GALNT17: variants seen among roughly 807,000 people sequenced by gnomAD.
GALNT17 encodes polypeptide N-acetylgalactosaminyltransferase 17.
Under a neutral mutation model 63.7 loss-of-function variants are expected in GALNT17, and 29 were observed. That is an observed-to-expected ratio of 0.46 (90% CI 0.34 to 0.62). The LOEUF (loss-of-function observed/expected upper bound fraction) is 0.62, where lower values mean the gene tolerates loss of function less well. Ranked by LOEUF, GALNT17 falls within the 20% of genes least tolerant of loss-of-function variation. The pLI, the probability that GALNT17 is intolerant of heterozygous loss-of-function variation, is 0.01. For missense variants in GALNT17, 603 were observed against 799.6 expected, an observed-to-expected ratio of 0.75 and a Z score of 2.97; for synonymous variants, 305 against 318.3, an observed-to-expected ratio of 0.96 and a Z score of 0.45.
chr7:71,388,298 C>T lies in GALNT17; in HGVS notation c.486C>T (p.Asn162=), dbSNP rs368749036. 32 of 1,614,000 alleles carry T rather than the reference C, an allele frequency of 2.0e-5. No homozygotes were observed. Among genetic ancestry groups the T allele is most frequent in the East Asian group, 4.5e-5 (2 of 44,850 alleles). ...PQISIIFIFV[N]EALSVILRSV... The stretch of plus-strand genomic sequence containing the variant: ...TATCCATCATATTCATCTTCGTGAA[C>T]GAGGCCCTGTCGGTGATCCTGCGGT... Residue 162 remains asparagine (N), a synonymous_variant, in exon 3 of 11, where the codon AAC becomes AAT. Coordinates refer to ENST00000333538, the MANE Select transcript of GALNT17 (RefSeq NM_022479.3).
intron 6 of GALNT17, among the ~76,000 whole-genome samples, chr7:71,628,282 G>A (rs553210796): frequency 1.3e-5 from 2 of 152,028 alleles, no homozygotes; most frequent in African/African-American, 2.4e-5. Flanking sequence ...AGATTCAACC[G>A]ACATAAATTT....
At chr7:71,580,046 AGAT>A (rs1268463678) in intron 6 of GALNT17, among the ~76,000 whole-genome samples, 1 of 151,580 alleles carries the variant, frequency 6.6e-6, no homozygotes, top group East Asian at 1.9e-4. Flanking sequence ...GGATAGATAG[AGAT>A]GATGGATAGA....
chr7:71,313,611 T>C (rs1350480094), intron 1 of GALNT17, among the ~76,000 whole-genome samples: 1 of 152,200 alleles, frequency 6.6e-6, no homozygotes. Context: ...CAGGTGAATA[T>C]CCTGTAAAGG....
rs139577336 is a variant in GALNT17 at position 71,457,281 on chromosome 7, T to G, written c.962+36176T>G. ...TGCACCTCTTTTGTCTTTTAAGCTA[T>G]CTTATTTAGGAATAAAATAGGAAGC... On this transcript the variant is annotated intron_variant, in intron 5 of 10. Coordinates refer to ENST00000333538, the MANE Select transcript of GALNT17 (RefSeq NM_022479.3). Among the ~76,000 whole-genome samples the G allele has an allele frequency of 3.9e-5, 6 of 152,346 alleles. No homozygotes were observed. The East Asian group carries it at 9.7e-4, about 25-fold the overall frequency.
chr7:71,553,886 C>T (rs577243001), intron 5 of GALNT17, among the ~76,000 whole-genome samples: 32 of 152,306 alleles, frequency 2.1e-4, no homozygotes, highest in African/African-American at 6.5e-4. Context: ...CTCCCTCTCC[C>T]AGCTTTCCTC....
Position 71,708,202 on chromosome 7 carries a change from A to G in GALNT17, c.1501-2559A>G, listed in dbSNP as rs763895764. ...TAGTCCAGTCTTATGCTGTTAATAA[A>G]AACATACCCAAGACTGGGTAATTTA... On this transcript the variant is annotated intron_variant, in intron 9 of 10. Coordinates refer to ENST00000333538, the MANE Select transcript of GALNT17 (RefSeq NM_022479.3). Among the ~76,000 whole-genome samples the G allele has an allele frequency of 1.5e-4, 23 of 152,300 alleles. No individual in the cohort carries two copies. The South Asian group carries it at 1.9e-3, about 12-fold the overall frequency.
At chr7:71,276,648 G>T (rs1045962427) in intron 1 of GALNT17, among the ~76,000 whole-genome samples, 3 of 152,132 alleles carry the variant, frequency 2.0e-5, no homozygotes, top group Admixed American at 2.0e-4. Context: ...TTCCATGATT[G>T]TGAGGCCTCC....
intron 2 of GALNT17, among the ~76,000 whole-genome samples, chr7:71,377,085 C>CAAAAAAAAAAAA (rs34111153): frequency 1.1e-4 from 2 of 18,546 alleles, no homozygotes; most frequent in Non-Finnish European, 1.9e-4. Flanking sequence ...TATTCCATCT[C>CAAAAAAAAAAAA]AAAAAAAAAA....
At chr7:71,183,571 T>C (rs975206381) in intron 1 of GALNT17, among the ~76,000 whole-genome samples, 1 of 152,118 alleles carries the variant, frequency 6.6e-6, no homozygotes, top group East Asian at 1.9e-4. Context: ...GAATTCCCCA[T>C]GGAGATCCCC....
chr7:71,517,407 T>C (rs550567447), intron 5 of GALNT17, among the ~76,000 whole-genome samples: 1 of 152,292 alleles, frequency 6.6e-6, no homozygotes, highest in South Asian at 2.1e-4. Flanking sequence ...AGCACTTCAA[T>C]ATAGGAATTT....
At chr7:71,206,285 C>G (rs1024576529) in intron 1 of GALNT17, among the ~76,000 whole-genome samples, 1 of 151,812 alleles carries the variant, frequency 6.6e-6, no homozygotes, top group Non-Finnish European at 1.5e-5. Flanking sequence ...GCACTTAACC[C>G]GGTCTAGATC....
intron 6 of GALNT17, among the ~76,000 whole-genome samples, chr7:71,644,575 GAAAGA>G (rs1790649587): frequency 8.0e-6 from 1 of 125,266 alleles, no homozygotes; most frequent in Admixed American, 7.9e-5. Flanking sequence ...AGAAGAGAAA[GAAAGA>G]AAAGAAAAAA....
In GALNT17 at chr7:71,147,756, C is replaced by T. The variant is rs561883375; in HGVS notation, c.238+14716C>T. Among the ~76,000 whole-genome samples the T allele has an allele frequency of 1.7e-4, 26 of 152,134 alleles. No homozygotes were observed. The East Asian group carries it at 2.7e-3, about 16-fold the overall frequency. On this transcript the variant is annotated intron_variant, in intron 1 of 10. Coordinates refer to ENST00000333538, the MANE Select transcript of GALNT17 (RefSeq NM_022479.3). ...CATCGATTCTCCTGCCTCAGCCTCC[C>T]GGGTAGCTGGGACTACAAGAGTGCA...
intron 5 of GALNT17, among the ~76,000 whole-genome samples, chr7:71,427,845 A>T (rs962584681): frequency 6.6e-6 from 1 of 152,158 alleles, no homozygotes; most frequent in African/African-American, 2.4e-5. Context: ...CGATTCTCAT[A>T]GGAGCACAAA....
chr7:71,202,082 C>G (rs1019494893), intron 1 of GALNT17, among the ~76,000 whole-genome samples: 2 of 152,072 alleles, frequency 1.3e-5, no homozygotes, highest in Non-Finnish European at 2.9e-5. Flanking sequence ...GAAGAAAATC[C>G]TCTTTTATTC....
At chr7:71,610,937 G>A (rs1024900591) in intron 6 of GALNT17, among the ~76,000 whole-genome samples, 3 of 144,250 alleles carry the variant, frequency 2.1e-5, no homozygotes, top group Admixed American at 7.3e-5. Flanking sequence ...AGTGAGCCGA[G>A]ATCACGCCAC....
intron 6 of GALNT17, among the ~76,000 whole-genome samples, chr7:71,663,993 G>A (rs927846664): frequency 6.6e-6 from 1 of 150,838 alleles, no homozygotes; most frequent in Non-Finnish European, 1.5e-5. Flanking sequence ...ACTGGTACTA[G>A]GAACCTCATT....
chr7:71,346,758 G>A (rs1170322360), intron 2 of GALNT17, among the ~76,000 whole-genome samples: 2 of 136,860 alleles, frequency 1.5e-5, no homozygotes, highest in Non-Finnish European at 3.1e-5. Flanking sequence ...GGGGGGCGGG[G>A]GTGGGTGGGT....
intron 3 of GALNT17, among the ~76,000 whole-genome samples, chr7:71,399,994 T>G (rs1793211731): frequency 6.6e-6 from 1 of 152,222 alleles, no homozygotes; most frequent in South Asian, 2.1e-4. Context: ...ACTTTTTATT[T>G]TATTTTACTT....
Sources: gnomAD v4.1 joint callset for allele counts (sites outside exome capture counted in the v4.1 genomes callset) on GRCh38, gnomAD v4.1.1 for gene constraint, MANE v1.5 for transcripts, NCBI Gene and HGNC (gene_info 2026-07-23, HGNC 2026-07-21) for gene names.